Variants in TTN observed in about 807,000 individuals in gnomAD.
TTN encodes connectin.
Under a neutral mutation model 3,223.0 loss-of-function variants are expected in TTN, and 1,525 were observed. The observed-to-expected ratio is 0.47, with a 90% CI of 0.45 to 0.49. The LOEUF (loss-of-function observed/expected upper bound fraction) is 0.49, where lower values mean the gene tolerates loss of function less well. Ranked by LOEUF, TTN falls within the 20% of genes least tolerant of loss-of-function variation. TTN has a pLI of 0.00. For missense variants in TTN, 40,786 were observed against 43,424.0 expected, an observed-to-expected ratio of 0.94 and a Z score of 5.40; for synonymous variants, 14,094 against 15,161.0, an observed-to-expected ratio of 0.93 and a Z score of 5.17.
Position 178,704,147 on chromosome 2 carries a change from C to G in TTN, c.30223G>C (p.Ala10075Pro). The change falls in exon 106 of 363, where the codon GCT becomes CCT. Residue 10075 changes from alanine to proline, a missense_variant and splice_region_variant. By Grantham distance (27) the Ala-to-Pro change is conservative (BLOSUM62 -1). Transcript: ENST00000589042. Reference protein sequence around the residue: ...LETSAELRIEAEPIQFTKRIQ... With the variant: ...LETSAELRIEPEPIQFTKRIQ... ...AAGGACTCCATAGTGTTTCACGCAC[C>G]TTCGATTCTGAGTTCTGCTGAAGTT... 3.1e-6 allele frequency: 5 copies of G among 1,613,502 alleles called. No individual in the cohort carries two copies. The highest frequency in any genetic ancestry group is 4.2e-6 in the Non-Finnish European group (5 of 1,179,766).
At chr2:178,749,243 A>G in intron 47 of TTN, 1 of 1,611,946 alleles carries the variant, frequency 6.2e-7, no homozygotes, top group Non-Finnish European at 8.5e-7. Context: ...GACATCACTG[A>G]AATCATCAAC....
At position 178,732,971 on chromosome 2, in the gene TTN, C is replaced by G. The variant is rs886042411; in HGVS notation, c.16205G>C (p.Arg5402Thr). Residue 5402 changes from arginine to threonine, a missense_variant, in exon 55 of 363, where the codon AGA becomes ACA. By Grantham distance (71) the Arg-to-Thr change is moderately conservative (BLOSUM62 -1). Coordinates refer to ENST00000589042, the MANE Select transcript of TTN (RefSeq NM_001267550.2). ...KDGKEIAASDRYRIAFVEGTA... is the reference protein window; with the variant it reads ...KDGKEIAASDTYRIAFVEGTA... ...GCCTTCCACAAATGCTATCCTGTAT[C>G]TGTCAGAAGCAGCTATTTCTTTGCC... The G allele has an allele frequency of 7.4e-6, 12 of 1,613,508 alleles. No homozygotes were observed. The highest frequency in any genetic ancestry group is 1.3e-5 in the African/African-American group (1 of 74,918).
intron 1 of TTN, among the ~76,000 whole-genome samples, chr2:178,806,148 C>T (rs963973044): frequency 6.6e-6 from 1 of 152,112 alleles, no homozygotes; most frequent in Non-Finnish European, 1.5e-5. Context: ...TTCTCTGAGA[C>T]AATAAAATTT....
In TTN at chr2:178,540,004, G is replaced by T; in HGVS notation, c.98099-38C>A. The T allele has an allele frequency of 1.9e-6, 3 of 1,604,808 alleles. No homozygotes were observed. In the South Asian group the frequency reaches 3.3e-5, roughly 18 times the overall value. The stretch of plus-strand genomic sequence containing the variant: ...GTAGGGTTTCAATTTAGCATTTGGG[G>T]TAGGGGGACTAAGAAATAAGTCTAT... On this transcript the variant is annotated intron_variant, in intron 351 of 362. Transcript: ENST00000589042.
At position 178,709,700 on chromosome 2, in the gene TTN, C is replaced by T. The variant is rs1427971848; in HGVS notation, c.28619G>A (p.Cys9540Tyr). Residue 9540 changes from cysteine to tyrosine, a missense_variant, in exon 99 of 363, where the codon TGT (cysteine) becomes TAT (tyrosine). Transcript: ENST00000589042. ...NNIEIQPTSNCEITFKNNTLV... is the reference protein window; with the variant it reads ...NNIEIQPTSNYEITFKNNTLV... ...CGTGTTGTTCTTGAATGTTATTTCA[C>T]AGTTAGAAGTTGGTTGTATCTCTAT... 1.2e-6 allele frequency: 2 copies of T among 1,613,890 alleles called. No homozygotes were observed. Among genetic ancestry groups the T allele is most frequent in the Non-Finnish European group, 1.7e-6 (2 of 1,179,824 alleles).
intron 1 of TTN, among the ~76,000 whole-genome samples, chr2:178,805,913 T>C (rs1042178774): frequency 6.6e-6 from 1 of 152,224 alleles, no homozygotes; most frequent in African/African-American, 2.4e-5. Context: ...ACTTTGCCTA[T>C]CAGTTTCAGA....
At position 178,579,079 on chromosome 2, in the gene TTN, T is replaced by C. The variant is rs544473873; in HGVS notation, c.67951A>G (p.Ile22651Val). 3.1e-6 allele frequency: 5 copies of C among 1,613,294 alleles called. No homozygotes were observed. The highest frequency in any genetic ancestry group is 1.3e-5 in the African/African-American group (1 of 74,994). ...TCTGCTGTGACTTCATCAAATTTGA[T>C]TGGTCCAGTGGGGATGCCAGGCTTG... Reference protein sequence around the residue: ...VGKPGIPTGPIKFDEVTAEAM... With the variant: ...VGKPGIPTGPVKFDEVTAEAM... The change falls in exon 320 of 363, where the codon ATC (isoleucine) becomes GTC (valine). Residue 22651 changes from isoleucine to valine, a missense_variant. By Grantham distance (29) the Ile-to-Val change is conservative. Transcript: ENST00000589042.
chr2:178,679,613 G>T lies in TTN; in HGVS notation c.33650C>A (p.Ala11217Asp), dbSNP rs750612476. ...TGGTGGTGTACCTTTTGCCGGTGGAGCTTCCTTCTTCTTGGGAACAGGAAC... is the reference window on the plus strand; with the variant it reads ...TGGTGGTGTACCTTTTGCCGGTGGATCTTCCTTCTTCTTGGGAACAGGAAC... ...KPVPVPKKKEAPPAKVPEVPK... is the reference protein window; with the variant it reads ...KPVPVPKKKEDPPAKVPEVPK... Residue 11217 changes from alanine (A) to aspartate (D), a missense_variant, in exon 141 of 363, where the codon GCT becomes GAT. Physicochemically the swap from Ala to Asp is moderately radical, Grantham distance 126 (BLOSUM62 -2). Coordinates refer to ENST00000589042, the MANE Select transcript of TTN (RefSeq NM_001267550.2). The T allele has an allele frequency of 6.2e-7, 1 of 1,611,076 alleles. No homozygotes were observed. The highest frequency in any genetic ancestry group is 8.5e-7 in the Non-Finnish European group (1 of 1,178,954).
Position 178,559,458 on chromosome 2 carries a change from A to G in TTN, c.86674T>C (p.Trp28892Arg), listed in dbSNP as rs772076860. ...IEKREASKKA[W>R]VSVTNNCNRL... ...TTACAGTTGTTGGTCACAGAGACCC[A>G]TGCTTTCTTGCTGGCCTCACGTTTT... Residue 28892 changes from tryptophan to arginine, a missense_variant, in exon 326 of 363, where the codon TGG (tryptophan) becomes CGG (arginine). Coordinates refer to ENST00000589042, the MANE Select transcript of TTN (RefSeq NM_001267550.2). The G allele has an allele frequency of 1.2e-6, 2 of 1,613,760 alleles. No homozygotes were observed. The highest frequency in any genetic ancestry group is 1.1e-5 in the South Asian group (1 of 91,074).
In TTN at chr2:178,561,763, A is replaced by G; in HGVS notation, c.84369T>C (p.Ser28123=). The change falls in exon 326 of 363, where the codon AGT becomes AGC. Residue 28123 remains serine (S), a synonymous_variant. Coordinates refer to ENST00000589042, the MANE Select transcript of TTN (RefSeq NM_001267550.2). The part of the protein sequence containing the change: ...SIKIVRLTTG[S]EYQFRVCAEN... The stretch of plus-strand genomic sequence containing the variant: ...CTGCACAAACACGGAACTGATACTC[A>G]CTTCCTGTTGTCAGGCGAACTATTT... The G allele has an allele frequency of 6.2e-7, 1 of 1,613,564 alleles. No individual in the cohort carries two copies. Among genetic ancestry groups the G allele is most frequent in the Non-Finnish European group, 8.5e-7 (1 of 1,179,712 alleles).
chr2:178,554,482 G>T lies in TTN; in HGVS notation c.88865C>A (p.Ser29622Tyr), dbSNP rs1274325104. 2 of 1,613,606 alleles carry T rather than the reference G, an allele frequency of 1.2e-6. No homozygotes were observed. Among genetic ancestry groups the T allele is most frequent in the Admixed American group, 3.3e-5 (2 of 59,998 alleles). Residue 29622 changes from serine (S) to tyrosine (Y), a missense_variant, in exon 332 of 363, where the codon TCT (serine) becomes TAT (tyrosine). By Grantham distance (144) the Ser-to-Tyr change is moderately radical. Coordinates refer to ENST00000589042, the MANE Select transcript of TTN (RefSeq NM_001267550.2). ...NKYGIGEPLESDSVVAKNAFV... is the reference protein window; with the variant it reads ...NKYGIGEPLEYDSVVAKNAFV... Reference sequence around the variant, plus strand: ...TGCGTTCTTGGCTACAACGGAATCAGATTCCAGTGGCTCGCCAATTCCATA... The same window carrying T: ...TGCGTTCTTGGCTACAACGGAATCATATTCCAGTGGCTCGCCAATTCCATA...
Position 178,633,394 on chromosome 2 carries a change from A to ACATTGTTGAGCAACT in TTN, c.42946+4_42946+18dup. 6.2e-7 allele frequency: 1 copy of ACATTGTTGAGCAACT among 1,613,232 alleles called. No individual in the cohort carries two copies. The highest frequency in any genetic ancestry group is 8.5e-7 in the Non-Finnish European group (1 of 1,179,504). On this transcript the variant is annotated intron_variant, in intron 232 of 362. Transcript: ENST00000589042. ...TGCAGATTCAGATAGGGTAAATTTT[A>ACATTGTTGAGCAACT]CATTGTTGAGCAACTCACCCTCAAC...
In TTN at chr2:178,571,313, A is replaced by T. The variant is rs754897261; in HGVS notation, c.74819T>A (p.Val24940Asp). The T allele has an allele frequency of 9.9e-6, 16 of 1,613,328 alleles. No individual in the cohort carries two copies. The South Asian group carries it at 1.8e-4, about 18-fold the overall frequency. The part of the protein sequence containing the change: ...NEPISDGGSR[V>D]IGYHLERKER... ...CTTGCGTTCTAGATGATAGCCAATG[A>T]CTCTACTTCCTCCATCACTGATTGG... Residue 24940 changes from valine (V) to aspartate (D), a missense_variant, in exon 326 of 363, where the codon GTC becomes GAC. Coordinates refer to ENST00000589042, the MANE Select transcript of TTN (RefSeq NM_001267550.2).
At chr2:178,594,958 A>T (rs978949330) in intron 295 of TTN, among the ~76,000 whole-genome samples, 1 of 151,722 alleles carries the variant, frequency 6.6e-6, no homozygotes, top group Non-Finnish European at 1.5e-5. Context: ...GTGGGAAATT[A>T]AAAAAAAATC....
At position 178,589,809 on chromosome 2, in the gene TTN, T is replaced by C. The variant is rs756303390; in HGVS notation, c.61916A>G (p.Tyr20639Cys). The change falls in exon 304 of 363, where the codon TAT (tyrosine) becomes TGT (cysteine). Residue 20639 changes from tyrosine to cysteine, a missense_variant. Tyr to Cys is a radical substitution (Grantham distance 194, BLOSUM62 -2). Coordinates refer to ENST00000589042, the MANE Select transcript of TTN (RefSeq NM_001267550.2). Reference protein sequence around the residue: ...KANLLANNEYYFRVCAENKVG... With the variant: ...KANLLANNEYCFRVCAENKVG... ...TTTATTCTCTGCACAAACTCGGAAATAGTATTCATTGTTGGCTAAAAGGTT... is the reference window on the plus strand; with the variant it reads ...TTTATTCTCTGCACAAACTCGGAAACAGTATTCATTGTTGGCTAAAAGGTT... 1.4e-5 allele frequency: 22 copies of C among 1,613,428 alleles called. No homozygotes were observed. The highest frequency in any genetic ancestry group is 8.0e-5 in the African/African-American group (6 of 74,896).
At chr2:178,529,877 G>A (rs1331276259) in intron 359 of TTN, 83 bp downstream of exon 359, 1 of 1,347,898 alleles carries the variant, frequency 7.4e-7, no homozygotes, top group East Asian at 2.5e-5. Context: ...TTTCTTGTAT[G>A]TGTATATAAG....
Position 178,728,173 on chromosome 2 carries a change from A to G in TTN, c.19651T>C (p.Tyr6551His). 6.2e-7 allele frequency: 1 copy of G among 1,611,642 alleles called. No homozygotes were observed. Reference sequence around the variant, plus strand: ...GCTACATTTGACACTTTGCATGTGTAATTTGCAGTATCTTCTAATTCCAGA... The same window carrying G: ...GCTACATTTGACACTTTGCATGTGTGATTTGCAGTATCTTCTAATTCCAGA... ...NNLELEDTAN[Y>H]TCKVSNVAGD... The change falls in exon 67 of 363, where the codon TAC becomes CAC. Residue 6551 changes from tyrosine to histidine, a missense_variant. Tyr to His is a moderately conservative substitution (Grantham distance 83). Coordinates refer to ENST00000589042, the MANE Select transcript of TTN (RefSeq NM_001267550.2).
chr2:178,753,437 C>T (rs1360429923), intron 46 of TTN: 1 of 353,122 alleles, frequency 2.8e-6, no homozygotes, highest in East Asian at 5.4e-5. Flanking sequence ...ATTCCCCATG[C>T]CTTTACATGC....
chr2:178,706,867 A>T lies in TTN; in HGVS notation c.29129T>A (p.Val9710Glu), dbSNP rs1196573815. The change falls in exon 101 of 363, where the codon GTA becomes GAA. Residue 9710 changes from valine (V) to glutamate (E), a missense_variant. Coordinates refer to ENST00000589042, the MANE Select transcript of TTN (RefSeq NM_001267550.2). Reference protein sequence around the residue: ...FVSEPQSIRVVEKTTATFIAK... With the variant: ...FVSEPQSIRVEEKTTATFIAK... ...TTCTCATGAAGTGCACTTACTTTCT[A>T]CGACTCTGATACTCTGAGGTTCTGA... The T allele has an allele frequency of 1.2e-6, 2 of 1,611,936 alleles. No homozygotes were observed. Among genetic ancestry groups the T allele is most frequent in the African/African-American group, 2.7e-5 (2 of 74,900 alleles).
Sources: allele counts gnomAD v4.1 joint callset (sites outside exome capture counted in the v4.1 genomes callset), GRCh38; gene constraint gnomAD v4.1.1; transcripts MANE v1.5; gene names NCBI Gene and HGNC (gene_info 2026-07-23, HGNC 2026-07-21).